The following WDFY4 variants were observed in gnomAD, a reference collection of about 807,000 sequenced individuals.
The protein encoded by WDFY4 is WDFY family member 4.
In WDFY4, 169 loss-of-function variants were observed where a neutral mutation model predicts 351.9. The observed-to-expected ratio is 0.48, with a 90% CI of 0.42 to 0.55. The LOEUF (loss-of-function observed/expected upper bound fraction) is 0.55, where lower values mean the gene tolerates loss of function less well. WDFY4 is among the 20% of genes least tolerant of loss of function. The pLI is 0.00. For synonymous variants in WDFY4, 1,622 were observed against 1,574.6 expected (o/e 1.03, Z -0.71); for missense variants, 3,803 against 3,935.6 (o/e 0.97, Z 0.90).
chr10:48,702,649 C>A (rs1422439428), intron 1 of WDFY4, among the ~76,000 whole-genome samples: 1 of 152,126 alleles, frequency 6.6e-6, no homozygotes, highest in Non-Finnish European at 1.5e-5. Flanking sequence ...CTGTGAGGGG[C>A]ATTTATGTTT....
At chr10:48,804,211 C>T (rs973502567) in intron 25 of WDFY4, among the ~76,000 whole-genome samples, 2 of 152,316 alleles carry the variant, frequency 1.3e-5, no homozygotes, top group East Asian at 3.9e-4. Flanking sequence ...CTGGCTCAGG[C>T]TGGTCTAGAG....
chr10:48,958,011 A>G (rs1841684932), intron 52 of WDFY4, among the ~76,000 whole-genome samples: 1 of 152,192 alleles, frequency 6.6e-6, no homozygotes, highest in African/African-American at 2.4e-5. Flanking sequence ...GAGAACACGC[A>G]TGAGCCATCA....
chr10:48,770,429 T>C (rs1427999025), intron 13 of WDFY4, among the ~76,000 whole-genome samples: 1 of 152,238 alleles, frequency 6.6e-6, no homozygotes, highest in Admixed American at 6.5e-5. Context: ...TTTTAATTCT[T>C]TTGAATAATA....
rs560481678 is a variant in WDFY4, at chr10:48,743,515, G to A, written c.2426G>A (p.Arg809His). The change falls in exon 12 of 62, where the codon CGC becomes CAC. Residue 809 changes from arginine to histidine, a missense_variant. This residue lies in a region of WDFY4 where 3,054 missense variants were observed against 3,148.6 expected (regional missense o/e 0.97). Transcript: ENST00000325239. ...GGAGAAACTGGCAGTGACCCCCAACGCAACTTCAAGCAGTGGCCAGACCTG... is the reference window on the plus strand; with the variant it reads ...GGAGAAACTGGCAGTGACCCCCAACACAACTTCAAGCAGTGGCCAGACCTG... Reference protein sequence around the residue: ...QKGETGSDPQRNFKQWPDLEE... With the variant: ...QKGETGSDPQHNFKQWPDLEE... The A allele has an allele frequency of 4.7e-4, 725 of 1,538,566 alleles. 7 individuals carry two copies. The South Asian group carries it at 8.1e-3, about 17-fold the overall frequency.
intron 13 of WDFY4, among the ~76,000 whole-genome samples, chr10:48,771,011 T>C (rs2065847117): frequency 1.3e-5 from 2 of 152,210 alleles, no homozygotes; most frequent in Admixed American, 6.5e-5. Flanking sequence ...TGCTCACCTT[T>C]TAAACCAGAA....
At chr10:48,975,460 C>A (rs950557452) in intron 58 of WDFY4, among the ~76,000 whole-genome samples, 8 of 152,334 alleles carry the variant, frequency 5.3e-5, no homozygotes, top group African/African-American at 1.7e-4. Context: ...GGGAGATCGA[C>A]TTACCGGTGT....
intron 24 of WDFY4, among the ~76,000 whole-genome samples, chr10:48,796,809 T>C (rs2066890987): frequency 6.6e-6 from 1 of 152,216 alleles, no homozygotes; most frequent in Non-Finnish European, 1.5e-5. Context: ...ATGATCTCAG[T>C]TCCTTTGGGT....
intron 5 of WDFY4, 126 bp from the exon 6 acceptor site, chr10:48,725,755 C>T: frequency 9.8e-7 from 1 of 1,024,082 alleles, no homozygotes; most frequent in Non-Finnish European, 1.4e-6. Flanking sequence ...AGGGTGACCC[C>T]ATTCAATCCT....
chr10:48,821,035 T>G (rs944971735), intron 33 of WDFY4, 27 bp from the exon 34 acceptor site: 2 of 1,515,770 alleles, frequency 1.3e-6, no homozygotes, highest in African/African-American at 2.8e-5. Flanking sequence ...CTGTGGTTGC[T>G]GTCTCAGTCC....
chr10:48,805,426 C>A lies in WDFY4; in HGVS notation c.4646+5C>A, dbSNP rs2067221002. ...CAGCACCCAGGACTTGCTCAGGTAC[C>A]ACACCAAGCTGCCCAGGGGGAAGAG... On this transcript the variant is annotated splice_donor_5th_base_variant and intron_variant, in intron 26 of 61. Transcript: ENST00000325239. 2.6e-6 allele frequency: 4 copies of A among 1,547,256 alleles called. No individual in the cohort carries two copies. The highest frequency in any genetic ancestry group is 3.5e-6 in the Non-Finnish European group (4 of 1,146,938).
intron 4 of WDFY4, among the ~76,000 whole-genome samples, chr10:48,721,801 G>T (rs114972110): frequency 6.6e-6 from 1 of 152,126 alleles, no homozygotes; most frequent in African/African-American, 2.4e-5. Flanking sequence ...TGATGAGAAC[G>T]CAGGCTTACC....
At chr10:48,716,255 G>T (rs952609347) in intron 2 of WDFY4, among the ~76,000 whole-genome samples, 2 of 152,008 alleles carry the variant, frequency 1.3e-5, no homozygotes, top group East Asian at 3.9e-4. Context: ...GTTCGTGCTG[G>T]AATACCAACC....
chr10:48,910,816 C>G (rs1419519558), intron 47 of WDFY4: 2 of 682,074 alleles, frequency 2.9e-6, no homozygotes, highest in Non-Finnish European at 3.6e-6. Flanking sequence ...TGTTGAGGAC[C>G]AAGCATGGCA....
rs2067778155 is a variant in WDFY4, at chr10:48,820,397, C to T, written c.5669C>T (p.Ser1890Phe). 1.9e-6 allele frequency: 3 copies of T among 1,551,538 alleles called. No homozygotes were observed. Among genetic ancestry groups the T allele is most frequent in the Non-Finnish European group, 2.6e-6 (3 of 1,146,980 alleles). The change falls in exon 33 of 62, where the codon TCC (serine) becomes TTC (phenylalanine). Residue 1890 changes from serine to phenylalanine, a missense_variant. By Grantham distance (155) the Ser-to-Phe change is radical. This residue lies in a region of WDFY4 where 3,054 missense variants were observed against 3,148.6 expected (regional missense o/e 0.97). Transcript: ENST00000325239. The stretch of plus-strand genomic sequence containing the variant: ...TTGAGGGAGCTCCTGCTTGGAGCCT[C>T]CAGCCCCAAGCAGTGGCTGCCCCTG... Reference protein sequence around the residue: ...LLLRELLLGASSPKQWLPLEV... With the variant: ...LLLRELLLGAFSPKQWLPLEV...
chr10:48,715,872 G>C (rs2132243696), intron 2 of WDFY4, among the ~76,000 whole-genome samples: 1 of 150,172 alleles, frequency 6.7e-6, no homozygotes, highest in Admixed American at 6.6e-5. Context: ...GATGGTCTCA[G>C]TCTCCTGACC....
chr10:48,922,109 C>A (rs1025367297), intron 47 of WDFY4, among the ~76,000 whole-genome samples: 1 of 152,132 alleles, frequency 6.6e-6, no homozygotes, highest in Non-Finnish European at 1.5e-5. Flanking sequence ...ACAGTAGTCC[C>A]CCTTATCTGC....
intron 58 of WDFY4, 52 bp downstream of exon 58, chr10:48,975,093 G>A (rs1590030621): frequency 6.5e-7 from 1 of 1,550,172 alleles, no homozygotes; most frequent in Non-Finnish European, 8.7e-7. Flanking sequence ...AGTAGCATGG[G>A]GTACAACACT....
intron 3 of WDFY4, among the ~76,000 whole-genome samples, 176 bp downstream of exon 3, chr10:48,720,301 G>A (rs2064038336): frequency 6.6e-6 from 1 of 152,194 alleles, no homozygotes; most frequent in Non-Finnish European, 1.5e-5. Flanking sequence ...AATGCAGGAG[G>A]AGGGAAGAGG....
intron 4 of WDFY4, among the ~76,000 whole-genome samples, chr10:48,722,213 C>A (rs2064113553): frequency 2.0e-5 from 3 of 152,178 alleles, no homozygotes; most frequent in Admixed American, 2.0e-4. Flanking sequence ...AAGGGAGGAC[C>A]TCCTGACACT....
Sources: gnomAD v4.1 joint callset for allele counts (sites outside exome capture counted in the v4.1 genomes callset) on GRCh38, gnomAD v4.1.1 for gene constraint, gnomAD v4.1.1 regional missense constraint, MANE v1.5 for transcripts, NCBI Gene and HGNC (gene_info 2026-07-23, HGNC 2026-07-21) for gene names.